Variants in CLEC16A observed in about 807,000 individuals in gnomAD.
CLEC16A encodes protein CLEC16A.
A neutral mutation model predicts 109.5 loss-of-function variants in CLEC16A; 51 were observed. That is an observed-to-expected ratio of 0.47 (90% CI 0.37 to 0.59). The LOEUF (loss-of-function observed/expected upper bound fraction) is 0.59, where lower values mean the gene tolerates loss of function less well. CLEC16A is among the 20% of genes least tolerant of loss of function. CLEC16A has a pLI of 0.00. For synonymous variants in CLEC16A, 673 were observed against 564.2 expected (o/e 1.19, Z -2.73); for missense variants, 1,339 against 1,394.0 (o/e 0.96, Z 0.63).
chr16:11,027,182 A>G (rs570176002), intron 13 of CLEC16A: 5 of 1,393,824 alleles, frequency 3.6e-6, no homozygotes, highest in East Asian at 4.6e-5. Flanking sequence ...AGCTACTGGA[A>G]TCATTCCTAC....
In CLEC16A at chr16:11,039,849, A is replaced by G. The variant is rs757795232; in HGVS notation, c.1633A>G (p.Arg545Gly). Reference sequence around the variant, plus strand: ...CCACCCGCTAGCTGAAAGACTCATCAGGATCATGAACAACGCTGCCCAGCC... The same window carrying G: ...CCACCCGCTAGCTGAAAGACTCATCGGGATCATGAACAACGCTGCCCAGCC... ...YNHPLAERLIRIMNNAAQPDG... is the reference protein window; with the variant it reads ...YNHPLAERLIGIMNNAAQPDG... The change falls in exon 14 of 24, where the codon AGG (arginine) becomes GGG (glycine). Residue 545 changes from arginine (R) to glycine (G), a missense_variant. Coordinates refer to ENST00000409790, the MANE Select transcript of CLEC16A (RefSeq NM_015226.3). 6.2e-7 allele frequency: 1 copy of G among 1,612,812 alleles called. No homozygotes were observed. The highest frequency in any genetic ancestry group is 1.7e-4 in the Middle Eastern group (1 of 6,060).
chr16:11,075,779 G>A (rs1015869628), intron 19 of CLEC16A, among the ~76,000 whole-genome samples: 1 of 152,034 alleles, frequency 6.6e-6, no homozygotes, highest in Non-Finnish European at 1.5e-5. Flanking sequence ...GTGCTTGGGA[G>A]GATGAGATGT....
intron 3 of CLEC16A, among the ~76,000 whole-genome samples, chr16:10,967,996 G>T (rs2042594287): frequency 6.6e-6 from 1 of 152,260 alleles, no homozygotes; most frequent in South Asian, 2.1e-4. Flanking sequence ...GGGTTGCTGT[G>T]CTCCCCATCT....
chr16:11,060,237 G>A (rs2048407473), intron 18 of CLEC16A, among the ~76,000 whole-genome samples: 1 of 152,320 alleles, frequency 6.6e-6, no homozygotes, highest in Non-Finnish European at 1.5e-5. Flanking sequence ...AGGGAACCAA[G>A]GTCACTGCCC....
At position 11,180,622 on chromosome 16, in the gene CLEC16A, C is replaced by G. The variant is rs974093984; in HGVS notation, c.*1932C>G. On this transcript the variant is annotated 3_prime_UTR_variant, in exon 24 of 24. Transcript: ENST00000409790. ...GTAGAGAGGATCAAGCTGGCCCTGG[C>G]TGGAGATGGCTAGCCCCTGAGACAT... 1 of 152,310 alleles carries G rather than the reference C, an allele frequency of 6.6e-6. No homozygotes were observed. Among genetic ancestry groups the G allele is most frequent in the Non-Finnish European group, 1.5e-5 (1 of 68,120 alleles). 9.4% of individuals were successfully genotyped at this position (152,310 alleles called of 1,614,324 possible). A position where few individuals can be genotyped will look rare whatever the true frequency, so the allele number is the denominator to read the frequency against.
chr16:10,998,086 C>T (rs140664399), intron 10 of CLEC16A, among the ~76,000 whole-genome samples: 12 of 152,294 alleles, frequency 7.9e-5, no homozygotes, highest in Non-Finnish European at 1.8e-4. Context: ...CACACAGATT[C>T]CTCCATTCCA....
intron 19 of CLEC16A, among the ~76,000 whole-genome samples, chr16:11,081,624 A>G (rs1199553793): frequency 6.6e-6 from 1 of 152,080 alleles, no homozygotes; most frequent in Non-Finnish European, 1.5e-5. Flanking sequence ...CTCAAGCCAT[A>G]GGGCCCTATC....
chr16:11,014,746 C>T (rs1348965361), intron 11 of CLEC16A, among the ~76,000 whole-genome samples: 2 of 152,200 alleles, frequency 1.3e-5, no homozygotes, highest in Admixed American at 1.3e-4. Context: ...ATCCACATAG[C>T]CTACTGAGCT....
chr16:11,178,909 G>A lies in CLEC16A; in HGVS notation c.*219G>A, dbSNP rs1354455658. On this transcript the variant is annotated 3_prime_UTR_variant, in exon 24 of 24. Coordinates refer to ENST00000409790, the MANE Select transcript of CLEC16A (RefSeq NM_015226.3). This position sits in a 1 kb window ranked among gnomAD's most constrained non-coding sequence, Gnocchi z 6.5. ...TCTTCACGTGCAGGCTGGGACCAGC[G>A]GAGACACCGCGGCGAATGCAGATGA... The A allele has an allele frequency of 2.0e-6, 1 of 503,308 alleles. No homozygotes were observed. Among genetic ancestry groups the A allele is most frequent in the Admixed American group, 3.8e-5 (1 of 26,462 alleles). 31.2% of individuals were successfully genotyped at this position (503,308 alleles called of 1,614,324 possible).
chr16:11,057,879 T>C (rs894814363), intron 18 of CLEC16A, among the ~76,000 whole-genome samples: 2 of 152,134 alleles, frequency 1.3e-5, no homozygotes, highest in African/African-American at 2.4e-5. Context: ...CAGCTTTGGT[T>C]TCCCCATCTG....
intron 22 of CLEC16A, chr16:11,136,327 C>G (rs1248393269): frequency 6.6e-6 from 1 of 151,960 alleles, no homozygotes; most frequent in Non-Finnish European, 1.5e-5. Flanking sequence ...GTACCACAAC[C>G]GAAAAACAAA....
chr16:10,997,123 A>G (rs549162868), intron 10 of CLEC16A, among the ~76,000 whole-genome samples: 18 of 152,170 alleles, frequency 1.2e-4, no homozygotes, highest in Admixed American at 5.9e-4. Context: ...CACCATACCC[A>G]GCTAAATTTT....
chr16:11,043,881 G>C (rs1410652944), intron 15 of CLEC16A, 147 bp from the exon 16 acceptor site: 17 of 532,802 alleles, frequency 3.2e-5, no homozygotes, highest in Non-Finnish European at 5.4e-5. Context: ...CTCAAGAAAA[G>C]GGAAAAAAAA....
intron 10 of CLEC16A, among the ~76,000 whole-genome samples, chr16:10,989,498 G>C (rs546431090): frequency 6.6e-6 from 1 of 152,284 alleles, no homozygotes; most frequent in African/African-American, 2.4e-5. Context: ...GCCTCGCAAA[G>C]TGCTGGGATT....
intron 20 of CLEC16A, 73 bp downstream of exon 20, chr16:11,120,839 C>G (rs2052355816): frequency 1.0e-6 from 1 of 966,094 alleles, no homozygotes; most frequent in Non-Finnish European, 1.4e-6. Context: ...CACACACACA[C>G]CACACACAAT....
At chr16:10,989,955 C>T (rs182946152) in intron 10 of CLEC16A, among the ~76,000 whole-genome samples, 10 of 152,324 alleles carry the variant, frequency 6.6e-5, no homozygotes, top group African/African-American at 2.4e-4. Flanking sequence ...GATAGCACCC[C>T]TTCCGGCCAG....
chr16:11,098,092 A>G (rs2050709120), intron 19 of CLEC16A, among the ~76,000 whole-genome samples: 1 of 152,266 alleles, frequency 6.6e-6, no homozygotes, highest in South Asian at 2.1e-4. Context: ...GGCAGGAGCC[A>G]GCATCTGTTT....
chr16:11,110,147 C>T (rs1361263056), intron 19 of CLEC16A, among the ~76,000 whole-genome samples: 1 of 152,202 alleles, frequency 6.6e-6, no homozygotes, highest in Admixed American at 6.5e-5. Flanking sequence ...GTTGATTGAG[C>T]AGTCCCTGGC....
chr16:11,167,830 C>T (rs911268926), intron 23 of CLEC16A, among the ~76,000 whole-genome samples: 11 of 152,220 alleles, frequency 7.2e-5, no homozygotes, highest in Non-Finnish European at 1.5e-5. Context: ...GCAGATGCCA[C>T]CCCTGTTGCC....
Sources: gnomAD v4.1 joint callset for allele counts (sites outside exome capture counted in the v4.1 genomes callset) on GRCh38, gnomAD v4.1.1 for gene constraint, Gnocchi (gnomAD v3.1) non-coding constraint, MANE v1.5 for transcripts, NCBI Gene and HGNC (gene_info 2026-07-23, HGNC 2026-07-21) for gene names.